PLEKHM3: variants seen among roughly 807,000 people sequenced by gnomAD.
The protein encoded by PLEKHM3 is pleckstrin homology domain containing M3, also known as pleckstrin homology domain-containing family M member 3.
A neutral mutation model predicts 81.8 loss-of-function variants in PLEKHM3; 45 were observed. That is an observed-to-expected ratio of 0.55 (90% CI 0.43 to 0.71). The LOEUF (loss-of-function observed/expected upper bound fraction) is 0.71, where lower values mean the gene tolerates loss of function less well. PLEKHM3 is among the 30% of genes least tolerant of loss of function. The pLI, the probability that PLEKHM3 is intolerant of heterozygous loss-of-function variation, is 0.00. For missense variants in PLEKHM3, 788 were observed against 924.3 expected, an observed-to-expected ratio of 0.85 and a Z score of 1.91; for synonymous variants, 352 against 356.4, an observed-to-expected ratio of 0.99 and a Z score of 0.14.
chr2:207,838,592 T>C (rs1365441332), intron 7 of PLEKHM3, among the ~76,000 whole-genome samples: 4 of 152,256 alleles, frequency 2.6e-5, no homozygotes, highest in East Asian at 1.9e-4. Flanking sequence ...TTCTCAGTTA[T>C]ATTCTAAGTA....
chr2:208,005,386 T>C (rs527509144), intron 1 of PLEKHM3, among the ~76,000 whole-genome samples: 1 of 152,350 alleles, frequency 6.6e-6, no homozygotes, highest in African/African-American at 2.4e-5. Flanking sequence ...GGGCCTTGTG[T>C]TGGCTATGAC....
At chr2:207,868,026 T>G (rs940486425) in intron 6 of PLEKHM3, among the ~76,000 whole-genome samples, 3 of 152,196 alleles carry the variant, frequency 2.0e-5, no homozygotes, top group Non-Finnish European at 4.4e-5. Flanking sequence ...TGAGGCATCC[T>G]GGCCAACAAG....
chr2:207,977,263 G>A lies in PLEKHM3; in HGVS notation c.934C>T (p.Pro312Ser). Residue 312 changes from proline (P) to serine (S), a missense_variant, in exon 3 of 8, where the codon CCC becomes TCC. Pro to Ser is a moderately conservative substitution (Grantham distance 74, BLOSUM62 -1). Coordinates refer to ENST00000427836, the MANE Select transcript of PLEKHM3 (RefSeq NM_001080475.3). The part of the protein sequence containing the change: ...KLWEVVHAAV[P>S]GYMGRQNELT... Reference sequence around the variant, plus strand: ...TCATTCTGCCGCCCCATGTAACCGGGCACAGCAGCATGCACTACTTCCCAA... The same window carrying A: ...TCATTCTGCCGCCCCATGTAACCGGACACAGCAGCATGCACTACTTCCCAA... 6.2e-7 allele frequency: 1 copy of A among 1,614,126 alleles called. No individual in the cohort carries two copies.
intron 6 of PLEKHM3, among the ~76,000 whole-genome samples, chr2:207,870,401 G>C (rs974043095): frequency 6.6e-6 from 1 of 152,160 alleles, no homozygotes; most frequent in African/African-American, 2.4e-5. Context: ...GGAATGCTTT[G>C]GTGAAGAGGG....
At chr2:207,866,115 A>T (rs1362774385) in intron 6 of PLEKHM3, among the ~76,000 whole-genome samples, 1 of 151,970 alleles carries the variant, frequency 6.6e-6, no homozygotes, top group African/African-American at 2.4e-5. Context: ...TCAGTTTTAG[A>T]CATCACTTTC....
Position 207,825,989 on chromosome 2 carries a change from G to A in PLEKHM3, c.*2330C>T, listed in dbSNP as rs1472775228. On this transcript the variant is annotated 3_prime_UTR_variant, in exon 8 of 8. Transcript: ENST00000427836. Reference sequence around the variant, plus strand: ...TGACTCTCGGCAGGTATGACCCTGGGTGCCTGTGAGCTAGGAGAGGAAATT... The same window carrying A: ...TGACTCTCGGCAGGTATGACCCTGGATGCCTGTGAGCTAGGAGAGGAAATT... 8 of 152,310 alleles carry A rather than the reference G, an allele frequency of 5.3e-5. No homozygotes were observed. The highest frequency in any genetic ancestry group is 1.4e-4 in the African/African-American group (6 of 41,546). 9.4% of individuals were successfully genotyped at this position (152,310 alleles called of 1,614,324 possible).
chr2:207,884,259 T>C (rs956963032), intron 6 of PLEKHM3, among the ~76,000 whole-genome samples: 23 of 152,152 alleles, frequency 1.5e-4, no homozygotes, highest in African/African-American at 5.6e-4. Context: ...CTCAATTTTT[T>C]TCCTAGGAAG....
chr2:207,893,164 G>A (rs1688112772), intron 6 of PLEKHM3, among the ~76,000 whole-genome samples: 1 of 152,208 alleles, frequency 6.6e-6, no homozygotes, highest in Admixed American at 6.5e-5. Flanking sequence ...ATTAAACTCA[G>A]ATTTACTTAA....
At chr2:207,888,362 C>G (rs1437917211) in intron 6 of PLEKHM3, among the ~76,000 whole-genome samples, 1 of 151,460 alleles carries the variant, frequency 6.6e-6, no homozygotes, top group Non-Finnish European at 1.5e-5. Context: ...CATACACACA[C>G]ACACACACAC....
At chr2:207,845,225 T>C (rs1435986880) in intron 7 of PLEKHM3, among the ~76,000 whole-genome samples, 1 of 152,236 alleles carries the variant, frequency 6.6e-6, no homozygotes, top group East Asian at 1.9e-4. Flanking sequence ...TATTACTATC[T>C]GTACTCCTAT....
intron 3 of PLEKHM3, among the ~76,000 whole-genome samples, chr2:207,967,647 G>A (rs1391903447): frequency 6.6e-6 from 1 of 152,156 alleles, no homozygotes; most frequent in Non-Finnish European, 1.5e-5. Flanking sequence ...AAGTTATAGC[G>A]GCTTTTGCCA....
intron 6 of PLEKHM3, among the ~76,000 whole-genome samples, chr2:207,870,472 TGAAC>T (rs2092527451): frequency 6.6e-6 from 1 of 152,206 alleles, no homozygotes; most frequent in Admixed American, 6.5e-5. Context: ...CAATTCACAG[TGAAC>T]GGTCACCTGC....
At chr2:207,887,441 T>C (rs1365605985) in intron 6 of PLEKHM3, among the ~76,000 whole-genome samples, 6 of 152,212 alleles carry the variant, frequency 3.9e-5, no homozygotes, top group Non-Finnish European at 8.8e-5. Flanking sequence ...TAACTGTAAG[T>C]CACTATTTAG....
chr2:207,930,874 G>A lies in PLEKHM3; in HGVS notation c.1886+52C>T, dbSNP rs1391063837. 16 of 1,588,564 alleles carry A rather than the reference G, an allele frequency of 1.0e-5. No homozygotes were observed. The East Asian group carries it at 1.6e-4, about 16-fold the overall frequency. ...TTTGGAGATAATCTCACCACCCTCC[G>A]TGGGCGGGAAAGAAAAACAAACGGG... On this transcript the variant is annotated intron_variant, in intron 5 of 7. Transcript: ENST00000427836.
chr2:207,913,856 A>C lies in PLEKHM3; in HGVS notation c.1887-5279T>G, dbSNP rs187894270. 9.1e-4 allele frequency among the ~76,000 whole-genome samples: 138 copies of C among 152,266 alleles called. 1 individual carries two copies. The highest frequency in any genetic ancestry group is 3.0e-3 in the African/African-American group (123 of 41,560). The stretch of plus-strand genomic sequence containing the variant: ...TGAAGCCTGGCCTTCAAAAGGCCTA[A>C]AGGAAATGGGATGTGGACCCAGCTG... On this transcript the variant is annotated intron_variant, in intron 5 of 7. Transcript: ENST00000427836.
At chr2:207,833,912 A>G (rs769347215) in intron 7 of PLEKHM3, among the ~76,000 whole-genome samples, 6 of 152,330 alleles carry the variant, frequency 3.9e-5, no homozygotes, top group Non-Finnish European at 1.5e-5. Context: ...AACTTTCACA[A>G]GTACGTATTT....
chr2:207,972,823 AAAG>A (rs1269931674), intron 3 of PLEKHM3, among the ~76,000 whole-genome samples: 1 of 152,218 alleles, frequency 6.6e-6, no homozygotes, highest in East Asian at 1.9e-4. Flanking sequence ...TTTAAATTTT[AAAG>A]AAGGATATAG....
At chr2:208,006,012 C>T (rs564364235) in intron 1 of PLEKHM3, among the ~76,000 whole-genome samples, 2 of 152,132 alleles carry the variant, frequency 1.3e-5, no homozygotes, top group East Asian at 3.9e-4. Context: ...CTCATAGCAC[C>T]TGGGTTTGCC....
At chr2:207,992,317 A>G (rs1691925412) in intron 2 of PLEKHM3, among the ~76,000 whole-genome samples, 1 of 152,208 alleles carries the variant, frequency 6.6e-6, no homozygotes, top group African/African-American at 2.4e-5. Flanking sequence ...TAGAATCAGG[A>G]TAATATCATC....
Sources: allele counts gnomAD v4.1 joint callset (sites outside exome capture counted in the v4.1 genomes callset), GRCh38; gene constraint gnomAD v4.1.1; transcripts MANE v1.5; gene names NCBI Gene and HGNC (gene_info 2026-07-23, HGNC 2026-07-21).